Variants in IL16 observed in about 807,000 individuals in gnomAD.
IL16 encodes pro-interleukin-16.
IL16 carries 67 observed loss-of-function variants against 110.1 expected under a neutral mutation model. That is an observed-to-expected ratio of 0.61 (90% CI 0.50 to 0.75). The LOEUF (loss-of-function observed/expected upper bound fraction) is 0.75, where lower values mean the gene tolerates loss of function less well. Ranked by LOEUF, IL16 falls within the 30% of genes least tolerant of loss-of-function variation. The pLI, the probability that IL16 is intolerant of heterozygous loss-of-function variation, is 0.00. For synonymous variants in IL16, 689 were observed against 662.9 expected (o/e 1.04, Z -0.61); for missense variants, 1,545 against 1,655.0 (o/e 0.93, Z 1.15).
chr15:81,256,926 T>C (rs531943936), intron 2 of IL16, among the ~76,000 whole-genome samples: 46 of 152,316 alleles, frequency 3.0e-4, no homozygotes, highest in African/African-American at 1.0e-3. Context: ...AGGGAGGTCT[T>C]GAAATTAGAA....
At chr15:81,246,817 C>T (rs959474788) in intron 2 of IL16, among the ~76,000 whole-genome samples, 1 of 152,060 alleles carries the variant, frequency 6.6e-6, no homozygotes, top group Non-Finnish European at 1.5e-5. Flanking sequence ...CCATCTGGTA[C>T]CAGTGTTTTC....
intron 5 of IL16, among the ~76,000 whole-genome samples, chr15:81,272,429 G>A (rs1479146883): frequency 6.6e-6 from 1 of 152,168 alleles, no homozygotes; most frequent in Non-Finnish European, 1.5e-5. Flanking sequence ...CTCCCCAGCT[G>A]GAACTATCTG....
At chr15:81,202,538 A>G (rs1895858766) in intron 1 of IL16, among the ~76,000 whole-genome samples, 2 of 137,514 alleles carry the variant, frequency 1.5e-5, no homozygotes, top group South Asian at 2.2e-4. Context: ...ATGTGTTCTC[A>G]TTGTTCAATT....
intron 3 of IL16, among the ~76,000 whole-genome samples, chr15:81,262,074 G>T (rs1399309723): frequency 6.6e-6 from 1 of 152,018 alleles, no homozygotes; most frequent in Non-Finnish European, 1.5e-5. Flanking sequence ...CTGCCCCCCC[G>T]AAAAGAGGTG....
At chr15:81,305,778 A>C in intron 16 of IL16, 130 bp from the exon 17 acceptor site, 2 of 1,144,894 alleles carry the variant, frequency 1.7e-6, no homozygotes, top group Non-Finnish European at 2.5e-6. Flanking sequence ...CCAATCTAGG[A>C]CACAATTATC....
At chr15:81,269,517 T>C (rs746521409) in intron 4 of IL16, 21 bp from the exon 5 acceptor site, 2 of 1,563,350 alleles carry the variant, frequency 1.3e-6, no homozygotes, top group African/African-American at 1.4e-5. Context: ...ATCTTCTGCC[T>C]ACTCTGGTTC....
At chr15:81,182,829 T>C in exon 1 of IL16, 1 of 1,286,984 alleles carries the variant, frequency 7.8e-7, no homozygotes, top group South Asian at 1.2e-5. Flanking sequence ...TTTTCACAGC[T>C]CTCTCTCCCT....
intron 2 of IL16, among the ~76,000 whole-genome samples, chr15:81,245,245 T>C (rs1283261656): frequency 6.6e-6 from 1 of 152,204 alleles, no homozygotes; most frequent in Non-Finnish European, 1.5e-5. Flanking sequence ...TTTTAAAAAT[T>C]GTTATGAGGC....
At chr15:81,212,322 T>C (rs951771241) in intron 1 of IL16, among the ~76,000 whole-genome samples, 4 of 152,162 alleles carry the variant, frequency 2.6e-5, no homozygotes, top group Non-Finnish European at 5.9e-5. Context: ...GAATGTTTGT[T>C]TGTCTGTGGG....
upstream of IL16, among the ~76,000 whole-genome samples, chr15:81,195,980 G>A (rs927797439): frequency 6.6e-6 from 1 of 151,578 alleles, no homozygotes; most frequent in Non-Finnish European, 1.5e-5. Context: ...CTCTGTATAC[G>A]TTAGGTCATG....
Position 81,299,593 on chromosome 15 carries a change from G to T in IL16, c.2267G>T (p.Gly756Val). 6.2e-7 allele frequency: 1 copy of T among 1,614,150 alleles called. No homozygotes were observed. Among genetic ancestry groups the T allele is most frequent in the South Asian group, 1.1e-5 (1 of 91,080 alleles). ...GAAGGGACACAGGGCCACCCAGATG[G>T]GACCCCACCAAAGCTGGACACCGCC... is the stretch of plus-strand genomic sequence containing the variant. ...EEEGTQGHPDGTPPKLDTANG... is the reference protein window; with the variant it reads ...EEEGTQGHPDVTPPKLDTANG... Residue 756 changes from glycine to valine, a missense_variant, in exon 14 of 19, where the codon GGG becomes GTG. Physicochemically the swap from Gly to Val is moderately radical, Grantham distance 109. Transcript: ENST00000683961.
At chr15:81,259,469 A>G (rs569646910) in intron 2 of IL16, among the ~76,000 whole-genome samples, 2 of 152,368 alleles carry the variant, frequency 1.3e-5, no homozygotes, top group African/African-American at 4.8e-5. Flanking sequence ...GGTCACAGCT[A>G]TGTGCACAAT....
At chr15:81,231,376 CT>C (rs1896979057) in intron 2 of IL16, among the ~76,000 whole-genome samples, 3 of 146,776 alleles carry the variant, frequency 2.0e-5, no homozygotes, top group African/African-American at 7.8e-5. Context: ...CTCTCTCTCT[CT>C]CTCTCCCTCT....
In IL16 at chr15:81,296,956, T is replaced by C. The variant is rs1480885940; in HGVS notation, c.1931T>C (p.Leu644Pro). The C allele has an allele frequency of 1.2e-6, 2 of 1,612,750 alleles. No individual in the cohort carries two copies. Among genetic ancestry groups the C allele is most frequent in the Non-Finnish European group, 1.7e-6 (2 of 1,179,452 alleles). The change falls in exon 13 of 19, where the codon CTA (leucine) becomes CCA (proline). Residue 644 changes from leucine (L) to proline (P), a missense_variant. Coordinates refer to ENST00000683961, the MANE Select transcript of IL16 (RefSeq NM_172217.5). The part of the protein sequence containing the change: ...QEARELLPLL[L>P]PQEDTAGRSP... The stretch of plus-strand genomic sequence containing the variant: ...GCGAGAGAGCTGCTGCCACTGCTGC[T>C]ACCACAGGAAGACACAGCAGGGAGA...
chr15:81,229,699 C>T (rs1178843156), intron 2 of IL16, among the ~76,000 whole-genome samples: 9 of 152,166 alleles, frequency 5.9e-5, no homozygotes, highest in African/African-American at 2.2e-4. Context: ...GCTCAGAGTA[C>T]TCAATAGCCC....
intron 2 of IL16, among the ~76,000 whole-genome samples, chr15:81,246,583 G>A (rs1297767044): frequency 6.6e-6 from 1 of 152,032 alleles, no homozygotes; most frequent in East Asian, 1.9e-4. Flanking sequence ...GATGGCCTTG[G>A]AATTTTTCTC....
At position 81,266,497 on chromosome 15, in the gene IL16, C is replaced by T. The variant is rs966617348; in HGVS notation, c.564+696C>T. Among the ~76,000 whole-genome samples the T allele has an allele frequency of 2.0e-5, 3 of 152,180 alleles. No individual in the cohort carries two copies. In the South Asian group the frequency reaches 6.2e-4, roughly 31 times the overall value. On this transcript the variant is annotated intron_variant, in intron 4 of 18. Transcript: ENST00000683961. The stretch of plus-strand genomic sequence containing the variant: ...CAGGTGTCAGCTTGCAGGCAGAGAG[C>T]TAAGCAGATATAAAGCACAGTGTAC...
chr15:81,242,382 GTATT>G (rs1897368108), intron 2 of IL16, among the ~76,000 whole-genome samples: 1 of 152,114 alleles, frequency 6.6e-6, no homozygotes, highest in South Asian at 2.1e-4. Flanking sequence ...GTATGTCTCT[GTATT>G]TATTTAGATC....
chr15:81,190,264 A>G (rs1392682156), intron 1 of IL16, among the ~76,000 whole-genome samples: 4 of 152,172 alleles, frequency 2.6e-5, no homozygotes, highest in East Asian at 1.9e-4. Flanking sequence ...TGTGCAAACC[A>G]TCCTAATATT....
Sources: gnomAD v4.1 joint callset for allele counts (sites outside exome capture counted in the v4.1 genomes callset) on GRCh38, gnomAD v4.1.1 for gene constraint, MANE v1.5 for transcripts, NCBI Gene and HGNC (gene_info 2026-07-23, HGNC 2026-07-21) for gene names.